The following CCBE1 variants were observed in gnomAD, a reference collection of about 807,000 sequenced individuals.
CCBE1 encodes collagen and calcium binding EGF domains 1, also known as collagen and calcium-binding EGF domain-containing protein 1.
Under a neutral mutation model 50.0 loss-of-function variants are expected in CCBE1, and 37 were observed. The ratio of observed to expected loss-of-function variants is 0.74; its 90% CI spans 0.57 to 0.97. CCBE1 has a LOEUF of 0.97. CCBE1 is among the 50% of genes least tolerant of loss of function. The probability of loss-of-function intolerance (pLI) is 0.00; values close to 1 mark genes in which losing one functional copy is unlikely to be tolerated. For synonymous variants in CCBE1, 234 were observed against 203.7 expected (o/e 1.15, Z -1.27); for missense variants, 538 against 523.8 (o/e 1.03, Z -0.26).
intron 2 of CCBE1, among the ~76,000 whole-genome samples, chr18:59,667,191 C>T (rs568691740): frequency 6.6e-6 from 1 of 152,198 alleles, no homozygotes; most frequent in South Asian, 2.1e-4. Flanking sequence ...ATCATTTAAG[C>T]CCAGGAGTTC....
At chr18:59,679,492 A>G (rs1365293900) in intron 2 of CCBE1, among the ~76,000 whole-genome samples, 5 of 152,166 alleles carry the variant, frequency 3.3e-5, no homozygotes. Context: ...ATACTTTAGC[A>G]GGGAGTAAGA....
At chr18:59,486,442 T>G (rs980350615) in intron 2 of CCBE1, among the ~76,000 whole-genome samples, 1 of 152,156 alleles carries the variant, frequency 6.6e-6, no homozygotes, top group Non-Finnish European at 1.5e-5. Flanking sequence ...GGAAAAGAAA[T>G]GTTATATTGC....
Position 59,697,323 on chromosome 18 carries a change from C to T in CCBE1, c.20G>A (p.Ser7Asn). 6.5e-7 allele frequency: 1 copy of T among 1,548,398 alleles called. No individual in the cohort carries two copies. Residue 7 changes from serine to asparagine, a missense_variant, in exon 1 of 11, where the codon AGC (serine) becomes AAC (asparagine). Physicochemically the swap from Ser to Asn is conservative, Grantham distance 46. Transcript: ENST00000439986. ...CTGGCCCCTGGCAGCTCCTCCCCGG[C>T]TCGGAGGCGGCGGCACCATCAGGGA... MVPPPPSRGGAARGQLG... is the reference protein window; with the variant it reads MVPPPPNRGGAARGQLG...
chr18:59,639,741 C>T (rs900328365), intron 2 of CCBE1, among the ~76,000 whole-genome samples: 7 of 152,206 alleles, frequency 4.6e-5, no homozygotes, highest in African/African-American at 1.7e-4. Flanking sequence ...ACCTAGAAAC[C>T]CCCATAGTCT....
rs934162309 is a variant in CCBE1 at position 59,431,051 on chromosome 18, A to G, written c.*4857T>C. On this transcript the variant is annotated 3_prime_UTR_variant, in exon 11 of 11. Coordinates refer to ENST00000439986, the MANE Select transcript of CCBE1 (RefSeq NM_133459.4). Reference sequence around the variant, plus strand: ...TGACTGTTACATGGACCTGTTACAAATAATGAACAACAGAGCTACTCCAGT... The same window carrying G: ...TGACTGTTACATGGACCTGTTACAAGTAATGAACAACAGAGCTACTCCAGT... 4 of 152,268 alleles carry G rather than the reference A, an allele frequency of 2.6e-5. No individual in the cohort carries two copies. The highest frequency in any genetic ancestry group is 9.6e-5 in the African/African-American group (4 of 41,470). 9.4% of individuals were successfully genotyped at this position (152,268 alleles called of 1,614,324 possible).
At chr18:59,582,414 A>G (rs1476619000) in intron 2 of CCBE1, among the ~76,000 whole-genome samples, 2 of 152,230 alleles carry the variant, frequency 1.3e-5, no homozygotes, top group Non-Finnish European at 2.9e-5. Flanking sequence ...CAGTCTAATC[A>G]TAATCACCAG....
intron 2 of CCBE1, among the ~76,000 whole-genome samples, chr18:59,590,846 C>T (rs1479116728): frequency 6.6e-6 from 1 of 152,172 alleles, no homozygotes; most frequent in African/African-American, 2.4e-5. Context: ...GACTTCACTC[C>T]ATACATAAGA....
At chr18:59,640,880 T>C (rs181369891) in intron 2 of CCBE1, among the ~76,000 whole-genome samples, 1 of 152,134 alleles carries the variant, frequency 6.6e-6, no homozygotes, top group East Asian at 1.9e-4. Flanking sequence ...AAGAAGCATA[T>C]GAAAAAATGC....
chr18:59,642,050 G>A (rs1440690196), intron 2 of CCBE1, among the ~76,000 whole-genome samples: 4 of 151,986 alleles, frequency 2.6e-5, no homozygotes, highest in East Asian at 1.9e-4. Flanking sequence ...TGATAAAATC[G>A]ATGACATTAA....
chr18:59,662,026 A>C (rs1318869550), intron 2 of CCBE1, among the ~76,000 whole-genome samples: 1 of 152,144 alleles, frequency 6.6e-6, no homozygotes, highest in African/African-American at 2.4e-5. Context: ...ATTGTAACTC[A>C]TGCTTTAACA....
At chr18:59,550,248 C>T (rs1915865031) in intron 2 of CCBE1, among the ~76,000 whole-genome samples, 1 of 152,170 alleles carries the variant, frequency 6.6e-6, no homozygotes, top group Admixed American at 6.5e-5. Context: ...TGGACCAAAT[C>T]CAGTCCACTG....
intron 2 of CCBE1, among the ~76,000 whole-genome samples, chr18:59,617,223 T>C (rs1486396577): frequency 6.6e-6 from 1 of 152,174 alleles, no homozygotes; most frequent in Non-Finnish European, 1.5e-5. Flanking sequence ...TATGCTGAAA[T>C]CTCCTTAGGA....
chr18:59,542,337 C>T (rs1269786805), intron 2 of CCBE1, among the ~76,000 whole-genome samples: 1 of 151,460 alleles, frequency 6.6e-6, no homozygotes, highest in Admixed American at 6.6e-5. Context: ...TGACCTTTTA[C>T]AACACGAGAT....
intron 7 of CCBE1, among the ~76,000 whole-genome samples, chr18:59,442,665 T>C (rs573920055): frequency 4.1e-4 from 62 of 152,104 alleles, no homozygotes; most frequent in African/African-American, 1.2e-3. Context: ...GAGGCAGAGA[T>C]TGCAGTGAGC....
At chr18:59,461,593 T>C (rs1451430054) in intron 5 of CCBE1, among the ~76,000 whole-genome samples, 1 of 152,152 alleles carries the variant, frequency 6.6e-6, no homozygotes, top group Non-Finnish European at 1.5e-5. Flanking sequence ...CTGAAAATAC[T>C]GTAGAAGGGT....
At position 59,649,763 on chromosome 18, in the gene CCBE1, G is replaced by A. The variant is rs2054103404; in HGVS notation, c.212+46866C>T. On this transcript the variant is annotated intron_variant, in intron 2 of 10. Transcript: ENST00000439986. ...TCACAACACAAAAGTAAAAGTGGGGGTGGATGAATGCAAGCAGCCCACATG... is the reference window on the plus strand; with the variant it reads ...TCACAACACAAAAGTAAAAGTGGGGATGGATGAATGCAAGCAGCCCACATG... Among the ~76,000 whole-genome samples, 3 of 152,336 alleles carry A rather than the reference G, an allele frequency of 2.0e-5. No homozygotes were observed. In the South Asian group the frequency reaches 6.2e-4, roughly 32 times the overall value.
chr18:59,693,327 GTTTCA>G (rs958826082), intron 2 of CCBE1, among the ~76,000 whole-genome samples: 4 of 152,048 alleles, frequency 2.6e-5, no homozygotes, highest in African/African-American at 4.8e-5. Flanking sequence ...TTAAAACTTT[GTTTCA>G]TTTGTGACCA....
chr18:59,675,195 G>A (rs995464682), intron 2 of CCBE1, among the ~76,000 whole-genome samples: 1 of 152,206 alleles, frequency 6.6e-6, no homozygotes, highest in African/African-American at 2.4e-5. Context: ...AGCAGTTCTA[G>A]TGCCCAATGA....
At chr18:59,604,183 GA>G (rs2053466632) in intron 2 of CCBE1, among the ~76,000 whole-genome samples, 1 of 152,234 alleles carries the variant, frequency 6.6e-6, no homozygotes. Context: ...GAGCTTCGCT[GA>G]CGGAGGGTCA....
Sources: gnomAD v4.1 joint callset for allele counts (sites outside exome capture counted in the v4.1 genomes callset) on GRCh38, gnomAD v4.1.1 for gene constraint, MANE v1.5 for transcripts, NCBI Gene and HGNC (gene_info 2026-07-23, HGNC 2026-07-21) for gene names.